Variants in ST6GALNAC3 observed in about 807,000 individuals in gnomAD.
ST6GALNAC3 encodes alpha-N-acetylgalactosaminide alpha-2,6-sialyltransferase 3.
A neutral mutation model predicts 32.7 loss-of-function variants in ST6GALNAC3; 25 were observed. The observed-to-expected ratio is 0.76, with a 90% confidence interval of 0.56 to 1.07. The LOEUF is 1.07. ST6GALNAC3 is among the 50% of genes least tolerant of loss of function. ST6GALNAC3 has a pLI of 0.00. For missense variants in ST6GALNAC3, 355 were observed against 382.4 expected (o/e 0.93, Z 0.60); for synonymous variants, 129 against 133.1 (o/e 0.97, Z 0.21).
At chr1:76,601,664 G>A (rs1181832689) in intron 3 of ST6GALNAC3, among the ~76,000 whole-genome samples, 2 of 152,170 alleles carry the variant, frequency 1.3e-5, no homozygotes, top group Non-Finnish European at 2.9e-5. Context: ...GCATTTACAA[G>A]GAGTAAACAA....
intron 3 of ST6GALNAC3, among the ~76,000 whole-genome samples, chr1:76,521,125 T>C (rs568725284): frequency 2.6e-5 from 4 of 152,208 alleles, no homozygotes; most frequent in African/African-American, 7.2e-5. Flanking sequence ...TACAGCTTAA[T>C]TCAAATGATT....
rs193149622 is a variant in ST6GALNAC3, at chr1:76,412,368, C to T, written c.574C>T (p.Arg192Cys). 9.3e-6 allele frequency: 15 copies of T among 1,612,374 alleles called. No individual in the cohort carries two copies. Among genetic ancestry groups the T allele is most frequent in the Middle Eastern group, 1.7e-4 (1 of 6,048 alleles). ...NAQIYVTTEK[R>C]MSYCDGVFKK... ...CCAAATATACGTGACCACAGAGAAGCGCATGAGTTACTGTGATGGAGTTTT... is the reference window on the plus strand; with the variant it reads ...CCAAATATACGTGACCACAGAGAAGTGCATGAGTTACTGTGATGGAGTTTT... Residue 192 changes from arginine (R) to cysteine (C), a missense_variant, in exon 3 of 5, where the codon CGC (arginine) becomes TGC (cysteine). Physicochemically the swap from Arg to Cys is radical, Grantham distance 180. Coordinates refer to ENST00000328299, the MANE Select transcript of ST6GALNAC3 (RefSeq NM_152996.4).
chr1:76,089,226 A>ATTTT (rs1557603496), intron 1 of ST6GALNAC3, among the ~76,000 whole-genome samples: 2 of 151,722 alleles, frequency 1.3e-5, no homozygotes, highest in African/African-American at 4.8e-5. Flanking sequence ...TTATTTATTT[A>ATTTT]TTTTTTAGAA....
intron 2 of ST6GALNAC3, among the ~76,000 whole-genome samples, chr1:76,377,420 G>C (rs1329409859): frequency 6.6e-6 from 1 of 151,742 alleles, no homozygotes; most frequent in Non-Finnish European, 1.5e-5. Context: ...TTACAACTGT[G>C]GTGGGAGGGC....
chr1:76,585,392 GA>G (rs11330040), intron 3 of ST6GALNAC3, among the ~76,000 whole-genome samples: 121,232 of 144,548 alleles, frequency 0.84, 50,440 homozygotes, highest in Middle Eastern at 0.86. Flanking sequence ...TCTCAAAAAA[GA>G]AAAAAAAAAA....
intron 1 of ST6GALNAC3, among the ~76,000 whole-genome samples, chr1:76,114,354 A>G (rs931025706): frequency 1.3e-5 from 2 of 152,142 alleles, no homozygotes; most frequent in Admixed American, 1.3e-4. Flanking sequence ...ATTGAAATTC[A>G]TTACTAATGT....
At chr1:76,175,080 G>A (rs1480374273) in intron 1 of ST6GALNAC3, among the ~76,000 whole-genome samples, 1 of 151,828 alleles carries the variant, frequency 6.6e-6, no homozygotes, top group Non-Finnish European at 1.5e-5. Context: ...TTTCTTTATT[G>A]TAAAATGTGA....
chr1:76,506,449 G>A (rs1042372562), intron 3 of ST6GALNAC3, among the ~76,000 whole-genome samples: 2 of 152,154 alleles, frequency 1.3e-5, no homozygotes, highest in Non-Finnish European at 2.9e-5. Flanking sequence ...CCCTGGCTGT[G>A]TGCATCTTCC....
rs531892022 is a variant in ST6GALNAC3 at position 76,223,701 on chromosome 1, C to T, written c.19-90104C>T. Among the ~76,000 whole-genome samples the T allele has an allele frequency of 2.0e-5, 3 of 152,290 alleles. No homozygotes were observed. The East Asian group carries it at 5.8e-4, about 29-fold the overall frequency. ...AGTGTTTTCTGGGATGTTGCAACAA[C>T]TTTCTATCTTTATTGCAAGGGCTTT... On this transcript the variant is annotated intron_variant, in intron 1 of 4. Transcript: ENST00000328299.
At chr1:76,429,457 CAAG>C (rs1256923832) in intron 3 of ST6GALNAC3, among the ~76,000 whole-genome samples, 1 of 152,110 alleles carries the variant, frequency 6.6e-6, no homozygotes, top group Non-Finnish European at 1.5e-5. Context: ...ATCATAATAT[CAAG>C]AAGAATTCCA....
chr1:76,340,522 G>T (rs1004230170), intron 2 of ST6GALNAC3, among the ~76,000 whole-genome samples: 11 of 152,152 alleles, frequency 7.2e-5, no homozygotes, highest in African/African-American at 2.2e-4. Flanking sequence ...CTCAACTCCT[G>T]CCTGGCCAGG....
intron 1 of ST6GALNAC3, among the ~76,000 whole-genome samples, chr1:76,175,994 T>C (rs1652825260): frequency 6.6e-6 from 1 of 152,244 alleles, no homozygotes; most frequent in Admixed American, 6.5e-5. Context: ...ATCTGAGCTT[T>C]GCCTTTTTTT....
At chr1:76,425,305 A>AT (rs1655296062) in intron 3 of ST6GALNAC3, among the ~76,000 whole-genome samples, 1 of 152,034 alleles carries the variant, frequency 6.6e-6, no homozygotes, top group Admixed American at 6.6e-5. Context: ...AACTTCCCCT[A>AT]TTAGGAGCGT....
intron 1 of ST6GALNAC3, among the ~76,000 whole-genome samples, chr1:76,110,588 A>G (rs1418396059): frequency 1.3e-5 from 2 of 152,214 alleles, no homozygotes; most frequent in East Asian, 3.9e-4. Flanking sequence ...GTATTAGGTG[A>G]TCACCAGAGG....
intron 1 of ST6GALNAC3, among the ~76,000 whole-genome samples, chr1:76,224,131 A>G (rs1426301115): frequency 3.3e-5 from 5 of 152,180 alleles, no homozygotes; most frequent in Non-Finnish European, 7.4e-5. Context: ...GAACCTGATG[A>G]TCATTCTACT....
chr1:76,103,496 ATT>A (rs1182357003), intron 1 of ST6GALNAC3, among the ~76,000 whole-genome samples: 1 of 152,100 alleles, frequency 6.6e-6, no homozygotes, highest in Non-Finnish European at 1.5e-5. Flanking sequence ...TAGTTAATGT[ATT>A]TTTAGGCCTA....
At chr1:76,524,717 T>G (rs1015624824) in intron 3 of ST6GALNAC3, among the ~76,000 whole-genome samples, 7 of 121,758 alleles carry the variant, frequency 5.7e-5, no homozygotes, top group South Asian at 3.3e-4. Flanking sequence ...TATTTCAGTT[T>G]TTTTTTTTTT....
chr1:76,395,574 G>A (rs530691109), intron 2 of ST6GALNAC3, among the ~76,000 whole-genome samples: 30 of 151,856 alleles, frequency 2.0e-4, no homozygotes, highest in South Asian at 1.7e-3. Context: ...TAAAGAAAAC[G>A]TTACACACAC....
At chr1:76,179,312 T>C (rs1291149546) in intron 1 of ST6GALNAC3, among the ~76,000 whole-genome samples, 1 of 152,226 alleles carries the variant, frequency 6.6e-6, no homozygotes, top group East Asian at 1.9e-4. Context: ...TGTCCTTCCA[T>C]TTGCTGAGGT....
Sources: allele counts gnomAD v4.1 joint callset (sites outside exome capture counted in the v4.1 genomes callset), GRCh38; gene constraint gnomAD v4.1.1; transcripts MANE v1.5; gene names NCBI Gene and HGNC (gene_info 2026-07-23, HGNC 2026-07-21).